The following TG variants were observed in gnomAD, a reference collection of about 807,000 sequenced individuals.
The protein encoded by TG is thyroglobulin.
In TG, 270 loss-of-function variants were observed where a neutral mutation model predicts 324.7. That is an observed-to-expected ratio of 0.83 (90% CI 0.75 to 0.92). The LOEUF (loss-of-function observed/expected upper bound fraction) is 0.92, where lower values mean the gene tolerates loss of function less well. Among genes scored for constraint, TG ranks in the 40% least tolerant of loss-of-function variants. TG has a pLI of 0.00. For missense variants in TG, 3,591 were observed against 3,456.4 expected (o/e 1.04, Z -0.98); for synonymous variants, 1,401 against 1,327.0 (o/e 1.06, Z -1.21).
At chr8:133,010,730 C>T (rs1046078463) in intron 35 of TG, among the ~76,000 whole-genome samples, 3 of 152,314 alleles carry the variant, frequency 2.0e-5, no homozygotes, top group African/African-American at 7.2e-5. Context: ...ACCCTCACTT[C>T]GTCTGGCTCT....
chr8:132,930,424 T>A (rs1822533439), intron 23 of TG, among the ~76,000 whole-genome samples: 1 of 152,198 alleles, frequency 6.6e-6, no homozygotes, highest in South Asian at 2.1e-4. Flanking sequence ...CTCACGCCTC[T>A]AATCCCAGCA....
At chr8:132,933,539 G>T in intron 23 of TG, 22 bp from the exon 24 acceptor site, 1 of 1,612,042 alleles carries the variant, frequency 6.2e-7, no homozygotes, top group South Asian at 1.1e-5. Context: ...CCAGGTGAGT[G>T]ACCGTCCCAT....
intron 35 of TG, among the ~76,000 whole-genome samples, chr8:133,000,529 A>G (rs967013609): frequency 7.9e-5 from 12 of 152,236 alleles, no homozygotes; most frequent in African/African-American, 2.7e-4. Context: ...CTGGCCAGGC[A>G]GAGTGCCCCA....
intron 37 of TG, among the ~76,000 whole-genome samples, chr8:133,014,204 C>T (rs73359355): frequency 0.016 from 2,507 of 152,308 alleles, 77 homozygotes; most frequent in African/African-American, 0.056. Flanking sequence ...GGAGCTGGAA[C>T]TTGGAGCCAG....
intron 27 of TG, among the ~76,000 whole-genome samples, chr8:132,957,168 C>A (rs1564001881): frequency 6.6e-6 from 1 of 152,136 alleles, no homozygotes; most frequent in African/African-American, 2.4e-5. Context: ...TGGTGATTGA[C>A]AAAGGTGCTT....
rs532735286 is a variant in TG, at chr8:133,039,024, T to C, written c.7239+9001T>C. ...TCCTGAGTAGCTGGGATTACAACCATCCACCACCACGCCCAGCTAATTTTT... is the reference window on the plus strand; with the variant it reads ...TCCTGAGTAGCTGGGATTACAACCACCCACCACCACGCCCAGCTAATTTTT... On this transcript the variant is annotated intron_variant, in intron 41 of 47. Coordinates refer to ENST00000220616, the MANE Select transcript of TG (RefSeq NM_003235.5). Among the ~76,000 whole-genome samples the C allele has an allele frequency of 3.9e-5, 6 of 152,204 alleles. No homozygotes were observed. In the South Asian group the frequency reaches 1.0e-3, roughly 26 times the overall value.
chr8:133,110,486 G>T (rs1588121885), intron 43 of TG, among the ~76,000 whole-genome samples: 1 of 152,170 alleles, frequency 6.6e-6, no homozygotes, highest in Non-Finnish European at 1.5e-5. Flanking sequence ...AAAAGCAAGA[G>T]AGCCTTCTTC....
At chr8:132,922,387 A>G (rs1203328234) in intron 21 of TG, among the ~76,000 whole-genome samples, 1 of 152,192 alleles carries the variant, frequency 6.6e-6, no homozygotes, top group Non-Finnish European at 1.5e-5. Context: ...AGGCATTTGG[A>G]TACAATAATG....
At chr8:133,090,491 A>G (rs1411969827) in intron 41 of TG, among the ~76,000 whole-genome samples, 1 of 152,226 alleles carries the variant, frequency 6.6e-6, no homozygotes, top group Non-Finnish European at 1.5e-5. Flanking sequence ...TGGCAGCCCC[A>G]CAGCTGCTTT....
chr8:133,032,835 AAGC>A (rs1836755728), intron 41 of TG, among the ~76,000 whole-genome samples: 1 of 152,226 alleles, frequency 6.6e-6, no homozygotes, highest in African/African-American at 2.4e-5. Flanking sequence ...TGAGACCACA[AAGC>A]ACTTTCAGTG....
At chr8:132,978,947 G>A (rs1830498502) in intron 34 of TG, among the ~76,000 whole-genome samples, 1 of 152,206 alleles carries the variant, frequency 6.6e-6, no homozygotes, top group African/African-American at 2.4e-5. Flanking sequence ...CTGCAGCCAT[G>A]GGCCTTCTGA....
At chr8:133,119,496 G>A (rs948084051) in intron 45 of TG, among the ~76,000 whole-genome samples, 1 of 152,182 alleles carries the variant, frequency 6.6e-6, no homozygotes, top group African/African-American at 2.4e-5. Context: ...GTCTAGTAGG[G>A]AGCTCGCTGA....
chr8:133,093,139 C>CTTTTCTTTTCT (rs1564180887), intron 41 of TG, among the ~76,000 whole-genome samples: 2 of 146,320 alleles, frequency 1.4e-5, no homozygotes, highest in Admixed American at 6.8e-5. Context: ...CTTTTCTTTT[C>CTTTTCTTTTCT]TTTTTTTTTT....
chr8:133,068,405 C>T (rs939167692), intron 41 of TG, among the ~76,000 whole-genome samples: 1 of 152,188 alleles, frequency 6.6e-6, no homozygotes, highest in South Asian at 2.1e-4. Flanking sequence ...ATGGAGGTGT[C>T]CTAGTGTACA....
chr8:132,886,531 G>A lies in TG; in HGVS notation c.1159G>A (p.Asp387Asn), dbSNP rs372915472. 5.6e-6 allele frequency: 9 copies of A among 1,613,996 alleles called. No individual in the cohort carries two copies. Among genetic ancestry groups the A allele is most frequent in the African/African-American group, 2.7e-5 (2 of 74,906 alleles). Residue 387 changes from aspartate (D) to asparagine (N), a missense_variant, in exon 9 of 48, where the codon GAC becomes AAC. Physicochemically the swap from Asp to Asn is conservative, Grantham distance 23. Transcript: ENST00000220616. ...FGTSGYFSQH[D>N]LFSSPEKRWA... Reference sequence around the variant, plus strand: ...GACCTCAGGCTACTTCAGCCAGCACGACCTGTTCTCTTCCCCAGAGAAAAG... The same window carrying A: ...GACCTCAGGCTACTTCAGCCAGCACAACCTGTTCTCTTCCCCAGAGAAAAG...
rs571316771 is a variant in TG at position 132,879,256 on chromosome 8, A to G, written c.639-2607A>G. On this transcript the variant is annotated intron_variant, in intron 5 of 47. Coordinates refer to ENST00000220616, the MANE Select transcript of TG (RefSeq NM_003235.5). ...AGAGCTTGAAATCACTGGTGATTGC[A>G]GGGCAGGGCCCCCAAAGGACTGTGC... Among the ~76,000 whole-genome samples the G allele has an allele frequency of 1.3e-3, 194 of 152,348 alleles. 1 individual carries two copies. Among genetic ancestry groups the G allele is most frequent in the African/African-American group, 4.6e-3 (191 of 41,574 alleles).
rs1817319756 is a variant in TG at position 132,897,710 on chromosome 8, T to G, written c.3063T>G (p.Leu1021=). The G allele has an allele frequency of 6.2e-7, 1 of 1,614,096 alleles. No individual in the cohort carries two copies. Among genetic ancestry groups the G allele is most frequent in the African/African-American group, 1.3e-5 (1 of 74,934 alleles). The change falls in exon 12 of 48, where the codon CTT becomes CTG. Residue 1021 remains leucine, a synonymous_variant. Transcript: ENST00000220616. ...ACGACTCGGCTGGAGCATCCGCCCTTCTGCGGTCGGGCCCCTACATGCCAC... is the reference window on the plus strand; with the variant it reads ...ACGACTCGGCTGGAGCATCCGCCCTGCTGCGGTCGGGCCCCTACATGCCAC... ...SPDDSAGASA[L]LRSGPYMPQC...
intron 36 of TG, among the ~76,000 whole-genome samples, chr8:133,012,331 C>T (rs940452401): frequency 9.2e-5 from 14 of 152,304 alleles, no homozygotes; most frequent in Admixed American, 7.8e-4. Context: ...ACATGCGTGG[C>T]AGCTCTGGCA....
At chr8:133,110,291 C>T (rs889968839) in intron 43 of TG, among the ~76,000 whole-genome samples, 1 of 152,104 alleles carries the variant, frequency 6.6e-6, no homozygotes, top group Non-Finnish European at 1.5e-5. Context: ...AGTACTTGGC[C>T]CTCGAATTTG....
Sources: allele counts gnomAD v4.1 joint callset (sites outside exome capture counted in the v4.1 genomes callset), GRCh38; gene constraint gnomAD v4.1.1; transcripts MANE v1.5; gene names NCBI Gene and HGNC (gene_info 2026-07-23, HGNC 2026-07-21).